MAGI2: variants seen among roughly 807,000 people sequenced by gnomAD.
MAGI2 encodes the protein membrane-associated guanylate kinase, WW and PDZ domain-containing protein 2.
In MAGI2, 35 loss-of-function variants were observed where a neutral mutation model predicts 133.3. The observed-to-expected ratio is 0.26, with a 90% CI of 0.20 to 0.35. MAGI2 has a LOEUF of 0.35. Ranked by LOEUF, MAGI2 falls within the 10% of genes least tolerant of loss-of-function variation. MAGI2 has a pLI of 1.00. For synonymous variants in MAGI2, 729 were observed against 710.6 expected (o/e 1.03, Z -0.41); for missense variants, 1,636 against 1,863.4 (o/e 0.88, Z 2.25).
intron 6 of MAGI2, among the ~76,000 whole-genome samples, chr7:78,477,070 T>C (rs1272952877): frequency 6.6e-6 from 1 of 151,786 alleles, no homozygotes; most frequent in Non-Finnish European, 1.5e-5. Context: ...GTTCAATTAC[T>C]TGGCTTTGGG....
chr7:78,231,625 G>T (rs1789980945), intron 10 of MAGI2, among the ~76,000 whole-genome samples: 1 of 152,010 alleles, frequency 6.6e-6, no homozygotes, highest in Admixed American at 6.5e-5. Flanking sequence ...GTATGTTACT[G>T]GCACCATCTT....
chr7:78,114,024 C>G (rs1045171910), intron 20 of MAGI2, among the ~76,000 whole-genome samples: 1 of 152,194 alleles, frequency 6.6e-6, no homozygotes. Context: ...AGCTATAGAG[C>G]AGCTGTGAGC....
intron 6 of MAGI2, among the ~76,000 whole-genome samples, chr7:78,391,430 C>T (rs1795891320): frequency 2.0e-5 from 3 of 152,120 alleles, no homozygotes; most frequent in South Asian, 4.1e-4. Context: ...ATTTGGAAGC[C>T]TATTTCATTT....
In MAGI2 at chr7:78,019,247, C is replaced by G; in HGVS notation, c.*68G>C. Reference sequence around the variant, plus strand: ...GTGTGACAGTGAAAATAAATTAAAACGCCGTGAGACGGAACCTAAGAAGAA... The same window carrying G: ...GTGTGACAGTGAAAATAAATTAAAAGGCCGTGAGACGGAACCTAAGAAGAA... On this transcript the variant is annotated 3_prime_UTR_variant, in exon 22 of 22. Coordinates refer to ENST00000354212, the MANE Select transcript of MAGI2 (RefSeq NM_012301.4). 6.5e-7 allele frequency: 1 copy of G among 1,540,580 alleles called. No individual in the cohort carries two copies. Among genetic ancestry groups the G allele is most frequent in the Non-Finnish European group, 8.8e-7 (1 of 1,142,796 alleles).
At chr7:78,572,641 T>C (rs1318488368) in intron 3 of MAGI2, among the ~76,000 whole-genome samples, 1 of 152,090 alleles carries the variant, frequency 6.6e-6, no homozygotes, top group Non-Finnish European at 1.5e-5. Flanking sequence ...TTTTTTGTTT[T>C]GGCTATTTAC....
intron 1 of MAGI2, among the ~76,000 whole-genome samples, chr7:79,170,571 G>T (rs1045702299): frequency 6.6e-6 from 1 of 152,006 alleles, no homozygotes; most frequent in African/African-American, 2.4e-5. Flanking sequence ...CAAAATATCA[G>T]ATTATCTACA....
intron 2 of MAGI2, among the ~76,000 whole-genome samples, chr7:78,688,346 C>A (rs372765504): frequency 6.6e-6 from 1 of 151,954 alleles, no homozygotes; most frequent in African/African-American, 2.4e-5. Flanking sequence ...AGGAAAGGAC[C>A]AACCAATTAT....
At chr7:78,508,673 G>A (rs551325585) in intron 4 of MAGI2, among the ~76,000 whole-genome samples, 4 of 152,190 alleles carry the variant, frequency 2.6e-5, no homozygotes, top group East Asian at 1.9e-4. Context: ...GCATGCTCTC[G>A]CACACATCAT....
chr7:78,870,612 A>G (rs1794955836), intron 2 of MAGI2, among the ~76,000 whole-genome samples: 1 of 152,200 alleles, frequency 6.6e-6, no homozygotes, highest in Non-Finnish European at 1.5e-5. Flanking sequence ...AATGTAAACT[A>G]GTACAACCAC....
chr7:78,086,646 T>A (rs986556043), intron 20 of MAGI2, among the ~76,000 whole-genome samples: 24 of 151,490 alleles, frequency 1.6e-4, no homozygotes, highest in South Asian at 4.2e-4. Context: ...TTATTATTTT[T>A]TTTTTTGAGA....
At chr7:78,591,527 T>C (rs1193714261) in intron 3 of MAGI2, among the ~76,000 whole-genome samples, 1 of 152,216 alleles carries the variant, frequency 6.6e-6, no homozygotes, top group African/African-American at 2.4e-5. Context: ...CAGGATGATA[T>C]ATGATGCCAA....
chr7:78,017,407 T>G lies in MAGI2; in HGVS notation c.*1908A>C, dbSNP rs532495350. 6 of 152,066 alleles carry G rather than the reference T, an allele frequency of 3.9e-5. No homozygotes were observed. The highest frequency in any genetic ancestry group is 3.9e-4 in the Admixed American group (6 of 15,226). 9.4% of individuals were successfully genotyped at this position (152,066 alleles called of 1,614,324 possible). A position where few individuals can be genotyped will look rare whatever the true frequency, so the allele number is the denominator to read the frequency against. Reference sequence around the variant, plus strand: ...AGAGTTTATGCCAGTGTAATCTCAATTTTTTTTTCCTTTTGTAATACATGG... The same window carrying G: ...AGAGTTTATGCCAGTGTAATCTCAAGTTTTTTTTCCTTTTGTAATACATGG... On this transcript the variant is annotated 3_prime_UTR_variant, in exon 22 of 22. Coordinates refer to ENST00000354212, the MANE Select transcript of MAGI2 (RefSeq NM_012301.4).
At chr7:78,115,398 TTGAC>T (rs545636967) in intron 20 of MAGI2, among the ~76,000 whole-genome samples, 13 of 152,058 alleles carry the variant, frequency 8.5e-5, no homozygotes, top group Admixed American at 2.6e-4. Context: ...TTAATGTAAA[TTGAC>T]TGAAATGACC....
chr7:78,346,859 C>G (rs1360997462), intron 7 of MAGI2, among the ~76,000 whole-genome samples: 2 of 152,086 alleles, frequency 1.3e-5, no homozygotes, highest in Non-Finnish European at 2.9e-5. Context: ...CTGGCATATA[C>G]ATTGATACAT....
chr7:78,770,404 T>C (rs915517160), intron 2 of MAGI2, among the ~76,000 whole-genome samples: 1 of 152,188 alleles, frequency 6.6e-6, no homozygotes, highest in Non-Finnish European at 1.5e-5. Context: ...ATATTTGAAG[T>C]CAATTACGTG....
intron 10 of MAGI2, among the ~76,000 whole-genome samples, chr7:78,231,567 T>A (rs922869639): frequency 6.6e-6 from 1 of 152,236 alleles, no homozygotes; most frequent in Admixed American, 6.5e-5. Flanking sequence ...CTTCTATGCG[T>A]CCCTAAAGGT....
At position 78,059,777 on chromosome 7, in the gene MAGI2, A is replaced by ATATATTT. The variant is rs368179491; in HGVS notation, c.3706+19169_3706+19170insAAATATA. ...AACAATGCCATATATATATATATAT[A>ATATATTT]TTTTTTTTCTGGAGTCCCTACAGCA... On this transcript the variant is annotated intron_variant, in intron 21 of 21. Coordinates refer to ENST00000354212, the MANE Select transcript of MAGI2 (RefSeq NM_012301.4). 2.2e-3 allele frequency among the ~76,000 whole-genome samples: 320 copies of ATATATTT among 146,132 alleles called. 2 individuals carry two copies. The highest frequency in any genetic ancestry group is 3.6e-3 in the African/African-American group (143 of 39,538).
chr7:78,621,647 A>G (rs1807754266), intron 3 of MAGI2, among the ~76,000 whole-genome samples: 1 of 152,006 alleles, frequency 6.6e-6, no homozygotes, highest in Non-Finnish European at 1.5e-5. Flanking sequence ...CCCTACCTAC[A>G]GCCATGTGGC....
At chr7:78,866,301 T>C (rs1794547030) in intron 2 of MAGI2, among the ~76,000 whole-genome samples, 1 of 152,094 alleles carries the variant, frequency 6.6e-6, no homozygotes. Context: ...AGTCCAGATA[T>C]GGGGAGGGCC....
Sources: allele counts gnomAD v4.1 joint callset (sites outside exome capture counted in the v4.1 genomes callset), GRCh38; gene constraint gnomAD v4.1.1; transcripts MANE v1.5; gene names NCBI Gene and HGNC (gene_info 2026-07-23, HGNC 2026-07-21).